CHST9: variants seen among roughly 807,000 people sequenced by gnomAD.
CHST9 encodes the protein carbohydrate sulfotransferase 9.
In CHST9, 41 loss-of-function variants were observed where a neutral mutation model predicts 44.4. The ratio of observed to expected loss-of-function variants is 0.92; its 90% CI spans 0.72 to 1.20. The LOEUF is 1.20. Among genes scored for constraint, CHST9 ranks in the 50% most tolerant of loss-of-function variants. CHST9 has a pLI of 0.00. For synonymous variants in CHST9, 171 were observed against 178.4 expected (o/e 0.96, Z 0.33); for missense variants, 504 against 516.5 (o/e 0.98, Z 0.23).
Position 26,953,689 on chromosome 18 carries a change from A to G in CHST9, c.203-9323T>C, listed in dbSNP as rs536885268. On this transcript the variant is annotated intron_variant, in intron 4 of 5. Coordinates refer to ENST00000618847, the MANE Select transcript of CHST9 (RefSeq NM_031422.6). Reference sequence around the variant, plus strand: ...TGTACCTGACTTTATTCATTCATTTATTCCAACAAATACTGTTTGATCAGC... The same window carrying G: ...TGTACCTGACTTTATTCATTCATTTGTTCCAACAAATACTGTTTGATCAGC... Among the ~76,000 whole-genome samples, 4 of 152,354 alleles carry G rather than the reference A, an allele frequency of 2.6e-5. No homozygotes were observed. In the South Asian group the frequency reaches 6.2e-4, roughly 24 times the overall value.
At chr18:26,976,007 G>A (rs1165568806) in intron 4 of CHST9, among the ~76,000 whole-genome samples, 9 of 151,600 alleles carry the variant, frequency 5.9e-5, no homozygotes, top group Admixed American at 2.7e-4. Context: ...CAGTGAGCCC[G>A]AGCAATCTTC....
At chr18:27,101,906 C>T (rs1391350043) in intron 2 of CHST9, among the ~76,000 whole-genome samples, 1 of 152,172 alleles carries the variant, frequency 6.6e-6, no homozygotes, top group East Asian at 1.9e-4. Flanking sequence ...AGAAATAAGA[C>T]TACACAATTG....
At chr18:27,008,237 T>C (rs1333661714) in intron 4 of CHST9, among the ~76,000 whole-genome samples, 1 of 152,332 alleles carries the variant, frequency 6.6e-6, no homozygotes, top group South Asian at 2.1e-4. Flanking sequence ...TTAACTTCTC[T>C]GGAACATGAA....
At chr18:27,028,947 A>G (rs962337320) in intron 3 of CHST9, among the ~76,000 whole-genome samples, 1 of 152,234 alleles carries the variant, frequency 6.6e-6, no homozygotes, top group African/African-American at 2.4e-5. Context: ...AAATGGAAGG[A>G]CAAGGAGGAA....
intron 4 of CHST9, among the ~76,000 whole-genome samples, chr18:27,014,357 G>A (rs2057121063): frequency 6.7e-6 from 1 of 148,996 alleles, no homozygotes; most frequent in South Asian, 2.1e-4. Flanking sequence ...CTGAGGCTGA[G>A]GCAGGAGAAT....
chr18:27,122,278 T>G (rs1046388512), intron 2 of CHST9, among the ~76,000 whole-genome samples: 3 of 152,238 alleles, frequency 2.0e-5, no homozygotes, highest in African/African-American at 7.2e-5. Flanking sequence ...GGGTCTGTTC[T>G]TTCCACTAAA....
intron 1 of CHST9, among the ~76,000 whole-genome samples, chr18:27,167,855 TA>T (rs2058802988): frequency 6.6e-6 from 1 of 152,090 alleles, no homozygotes; most frequent in Non-Finnish European, 1.5e-5. Flanking sequence ...GGTTTCCAAA[TA>T]GTGAATCCCC....
rs563379798 is a variant in CHST9 at position 26,921,971 on chromosome 18, A to C, written c.241-4621T>G. Among the ~76,000 whole-genome samples the C allele has an allele frequency of 2.0e-5, 3 of 152,108 alleles. No homozygotes were observed. The East Asian group carries it at 5.8e-4, about 29-fold the overall frequency. On this transcript the variant is annotated intron_variant, in intron 5 of 5. Transcript: ENST00000618847. The stretch of plus-strand genomic sequence containing the variant: ...TTTTTTGTATCTTTCTAAATTAATT[A>C]CCCCCAATTGGATATTCATTATCCT...
At chr18:27,020,951 A>G (rs2057219517) in intron 4 of CHST9, among the ~76,000 whole-genome samples, 1 of 152,200 alleles carries the variant, frequency 6.6e-6, no homozygotes, top group African/African-American at 2.4e-5. Context: ...TGCCTGTTGC[A>G]ACCAGCAAAT....
At chr18:26,974,185 A>G (rs1216471781) in intron 4 of CHST9, among the ~76,000 whole-genome samples, 1 of 152,234 alleles carries the variant, frequency 6.6e-6, no homozygotes, top group African/African-American at 2.4e-5. Context: ...TTAAGATCCA[A>G]TGCAACTTGA....
intron 4 of CHST9, among the ~76,000 whole-genome samples, chr18:26,974,810 A>G (rs1372479521): frequency 6.6e-6 from 1 of 151,856 alleles, no homozygotes. Context: ...AGGAGCTGGG[A>G]TTACAGGCGT....
At chr18:27,147,221 C>T (rs1450685706) in intron 1 of CHST9, among the ~76,000 whole-genome samples, 2 of 152,030 alleles carry the variant, frequency 1.3e-5, no homozygotes, top group South Asian at 2.1e-4. Flanking sequence ...TGCACCACCA[C>T]ACCCGGCTGA....
chr18:27,030,485 T>C (rs976783009), intron 3 of CHST9, among the ~76,000 whole-genome samples: 3 of 152,208 alleles, frequency 2.0e-5, no homozygotes, highest in African/African-American at 7.2e-5. Flanking sequence ...AATTAGTTAA[T>C]TAAAAGGAAA....
At chr18:27,091,723 T>C (rs1412536589) in intron 2 of CHST9, among the ~76,000 whole-genome samples, 1 of 152,196 alleles carries the variant, frequency 6.6e-6, no homozygotes, top group Admixed American at 6.5e-5. Flanking sequence ...TTTGTCATTG[T>C]TCCTGTTTAT....
At chr18:27,144,848 C>A (rs977612142) in intron 1 of CHST9, among the ~76,000 whole-genome samples, 8 of 152,044 alleles carry the variant, frequency 5.3e-5, no homozygotes, top group African/African-American at 1.7e-4. Flanking sequence ...TCAATGGGAG[C>A]CCTCCTGTCA....
chr18:26,924,795 T>TGAAGACTGCGACTGG (rs1244771208), intron 5 of CHST9: 6 of 152,266 alleles, frequency 3.9e-5, no homozygotes, highest in Admixed American at 3.9e-4. Context: ...ATGAGAGGGG[T>TGAAGACTGCGACTGG]GAAGACTGCG....
chr18:27,097,903 T>C (rs777337958), intron 2 of CHST9, among the ~76,000 whole-genome samples: 53 of 152,202 alleles, frequency 3.5e-4, no homozygotes, highest in Non-Finnish European at 6.0e-4. Flanking sequence ...AGATGTGTGG[T>C]ATTATTTCTG....
intron 2 of CHST9, among the ~76,000 whole-genome samples, chr18:27,049,695 G>A (rs2143565368): frequency 6.6e-6 from 1 of 152,218 alleles, no homozygotes; most frequent in East Asian, 1.9e-4. Context: ...ACCACAGAAT[G>A]CACATTCTTC....
intron 4 of CHST9, among the ~76,000 whole-genome samples, chr18:27,018,379 AG>A (rs2057179595): frequency 2.0e-5 from 3 of 152,348 alleles, no homozygotes; most frequent in East Asian, 3.9e-4. Flanking sequence ...AATTAACTGC[AG>A]GGTGCCACTT....
Sources: allele counts gnomAD v4.1 joint callset (sites outside exome capture counted in the v4.1 genomes callset), GRCh38; gene constraint gnomAD v4.1.1; transcripts MANE v1.5; gene names NCBI Gene and HGNC (gene_info 2026-07-23, HGNC 2026-07-21).